COL14A1: variants seen among roughly 807,000 people sequenced by gnomAD.
COL14A1 encodes the protein collagen type XIV alpha 1 chain, also known as collagen alpha-1(XIV) chain.
COL14A1 carries 136 observed loss-of-function variants against 230.3 expected under a neutral mutation model. The ratio of observed to expected loss-of-function variants is 0.59; its 90% confidence interval spans 0.51 to 0.68. The LOEUF is 0.68. Ranked by LOEUF, COL14A1 falls within the 30% of genes least tolerant of loss-of-function variation. The pLI, the probability that COL14A1 is intolerant of heterozygous loss-of-function variation, is 0.00. For synonymous variants in COL14A1, 792 were observed against 784.1 expected (o/e 1.01, Z -0.17); for missense variants, 1,976 against 2,215.8 (o/e 0.89, Z 2.17).
At chr8:120,133,524 A>G (rs1372179713) in intron 1 of COL14A1, among the ~76,000 whole-genome samples, 1 of 152,310 alleles carries the variant, frequency 6.6e-6, no homozygotes, top group Non-Finnish European at 1.5e-5. Flanking sequence ...AAAAGTTAAG[A>G]GAAAAAAGTT....
At chr8:120,175,235 T>G (rs1816242201) in intron 5 of COL14A1, among the ~76,000 whole-genome samples, 1 of 152,228 alleles carries the variant, frequency 6.6e-6, no homozygotes. Flanking sequence ...GTACTTGCCT[T>G]TGAGCATAAT....
intron 8 of COL14A1, among the ~76,000 whole-genome samples, chr8:120,202,001 G>C (rs761026894): frequency 6.6e-6 from 1 of 152,060 alleles, no homozygotes; most frequent in Non-Finnish European, 1.5e-5. Context: ...AGCATTATTG[G>C]CACTGCTTCA....
At chr8:120,183,887 A>T (rs1816558331) in intron 5 of COL14A1, among the ~76,000 whole-genome samples, 1 of 151,770 alleles carries the variant, frequency 6.6e-6, no homozygotes, top group Non-Finnish European at 1.5e-5. Context: ...TTTCTCCGAA[A>T]TACTTCTCTT....
intron 20 of COL14A1, 131 bp from the exon 21 acceptor site, chr8:120,247,482 T>C (rs1818801176): frequency 3.5e-6 from 3 of 852,524 alleles, no homozygotes; most frequent in African/African-American, 1.8e-5. Flanking sequence ...TCATTGTGTG[T>C]TTCAGTGCAC....
chr8:120,147,212 C>A (rs1194973916), intron 1 of COL14A1, among the ~76,000 whole-genome samples: 1 of 151,604 alleles, frequency 6.6e-6, no homozygotes, highest in Admixed American at 6.6e-5. Context: ...TCATTGATAT[C>A]CCATTGAAAA....
chr8:120,369,236 G>T, intron 46 of COL14A1, 94 bp from the exon 47 acceptor site: 2 of 1,309,814 alleles, frequency 1.5e-6, no homozygotes, highest in Non-Finnish European at 2.0e-6. Context: ...CCTAAAAGTT[G>T]CTTCTTCTAA....
intron 36 of COL14A1, among the ~76,000 whole-genome samples, chr8:120,301,304 G>A (rs141870839): frequency 1.3e-5 from 2 of 152,024 alleles, no homozygotes; most frequent in Non-Finnish European, 2.9e-5. Context: ...CATCACCCAA[G>A]TACCAAGTCT....
In COL14A1 at chr8:120,280,992, C is replaced by G. The variant is rs760156209; in HGVS notation, c.3757C>G (p.Pro1253Ala). The G allele has an allele frequency of 1.2e-6, 2 of 1,612,388 alleles. No homozygotes were observed. Among genetic ancestry groups the G allele is most frequent in the Non-Finnish European group, 1.7e-6 (2 of 1,179,200 alleles). Residue 1253 changes from proline to alanine, a missense_variant, in exon 31 of 48, where the codon CCT (proline) becomes GCT (alanine). Physicochemically the swap from Pro to Ala is conservative, Grantham distance 27. Coordinates refer to ENST00000297848, the MANE Select transcript of COL14A1 (RefSeq NM_021110.4). ...ATCAGTGGAAGGGGTTTCTATGGAG[C>G]CTGGTACCTTCAATGTGTTTCCATG... ...FSSVEGVSME[P>A]GTFNVFPCYQ...
chr8:120,223,115 T>G (rs1817983525), intron 14 of COL14A1, among the ~76,000 whole-genome samples: 1 of 152,150 alleles, frequency 6.6e-6, no homozygotes, highest in Non-Finnish European at 1.5e-5. Flanking sequence ...AGGAGGCCAG[T>G]GTGGCTGGAA....
chr8:120,263,424 TG>T (rs1340605431), intron 24 of COL14A1, among the ~76,000 whole-genome samples: 2 of 152,204 alleles, frequency 1.3e-5, no homozygotes, highest in East Asian at 3.9e-4. Flanking sequence ...ATGTTCCAAC[TG>T]GATGACCCTA....
chr8:120,259,767 G>C (rs1420838271), intron 23 of COL14A1, among the ~76,000 whole-genome samples: 1 of 152,174 alleles, frequency 6.6e-6, no homozygotes, highest in Non-Finnish European at 1.5e-5. Context: ...CTCCTGGAGA[G>C]TCCCCGGAAG....
chr8:120,125,833 G>C (rs973764458), intron 1 of COL14A1, among the ~76,000 whole-genome samples: 4 of 152,126 alleles, frequency 2.6e-5, no homozygotes, highest in Non-Finnish European at 5.9e-5. Context: ...AGATCATAGG[G>C]GACGAAACTC....
chr8:120,281,606 C>T (rs972510926), intron 31 of COL14A1, among the ~76,000 whole-genome samples: 1 of 151,678 alleles, frequency 6.6e-6, no homozygotes, highest in African/African-American at 2.4e-5. Flanking sequence ...TAGCACTACT[C>T]CCAGCCATCT....
At position 120,243,901 on chromosome 8, in the gene COL14A1, A is replaced by G. The variant is rs138128523; in HGVS notation, c.2372A>G (p.Asn791Ser). The G allele has an allele frequency of 6.1e-5, 99 of 1,613,564 alleles. No individual in the cohort carries two copies. The highest frequency in any genetic ancestry group is 7.8e-5 in the Non-Finnish European group (92 of 1,179,614). The change falls in exon 20 of 48, where the codon AAC becomes AGC. Residue 791 changes from asparagine (N) to serine (S), a missense_variant. Transcript: ENST00000297848. ...CAGGTTATGGTGCCTGGAAGCCAGA[A>G]CAACCTCCTTCTGAAGCCTCTGCTT... ...IGTVMVPGSQ[N>S]NLLLKPLLPD...
At position 120,250,715 on chromosome 8, in the gene COL14A1, G is replaced by A; in HGVS notation, c.2701G>A (p.Ala901Thr). ...AATGGACTACAATGTGAAGATATTT[G>A]CCTCCCAGGCCTCAGGCTTCAGCGA... is the stretch of plus-strand genomic sequence containing the variant. Reference protein sequence around the residue: ...SGMDYNVKIFASQASGFSDAL... With the variant: ...SGMDYNVKIFTSQASGFSDAL... Residue 901 changes from alanine to threonine, a missense_variant, in exon 22 of 48, where the codon GCC (alanine) becomes ACC (threonine). Around this residue, in one of 3 missense-constraint regions of COL14A1, gnomAD observed 1,791 missense variants for 2,019.5 expected, o/e 0.89. Transcript: ENST00000297848. 4.3e-6 allele frequency: 7 copies of A among 1,614,178 alleles called. No individual in the cohort carries two copies. Among genetic ancestry groups the A allele is most frequent in the Non-Finnish European group, 5.1e-6 (6 of 1,180,044 alleles).
chr8:120,282,844 A>G (rs538699429), intron 31 of COL14A1, among the ~76,000 whole-genome samples: 18 of 152,110 alleles, frequency 1.2e-4, no homozygotes, highest in Non-Finnish European at 2.5e-4. Flanking sequence ...GTGTTCCCTC[A>G]TGGAAGGGAA....
At chr8:120,238,099 A>T (rs1171885652) in intron 19 of COL14A1, among the ~76,000 whole-genome samples, 1 of 152,122 alleles carries the variant, frequency 6.6e-6, no homozygotes, top group Non-Finnish European at 1.5e-5. Flanking sequence ...GACCCATTTG[A>T]GGAGACTGTC....
intron 23 of COL14A1, among the ~76,000 whole-genome samples, chr8:120,255,656 C>G (rs1310066136): frequency 3.9e-5 from 6 of 152,156 alleles, no homozygotes; most frequent in Non-Finnish European, 1.5e-5. Flanking sequence ...GTGCTTTGTG[C>G]ACTGGAAGGA....
intron 1 of COL14A1, among the ~76,000 whole-genome samples, chr8:120,141,002 C>G (rs565787851): frequency 4.6e-5 from 7 of 152,246 alleles, no homozygotes; most frequent in African/African-American, 1.7e-4. Flanking sequence ...CGTTTTTAAA[C>G]AAGAGCAAAA....
Sources: allele counts gnomAD v4.1 joint callset (sites outside exome capture counted in the v4.1 genomes callset), GRCh38; gene constraint gnomAD v4.1.1; regional missense constraint gnomAD v4.1.1; transcripts MANE v1.5; gene names NCBI Gene and HGNC (gene_info 2026-07-23, HGNC 2026-07-21).